Variants in ZBTB4 observed in about 807,000 individuals in gnomAD.
ZBTB4 encodes the protein zinc finger and BTB domain containing 4.
ZBTB4 carries 14 observed loss-of-function variants against 59.8 expected under a neutral mutation model. The ratio of observed to expected loss-of-function variants is 0.23; its 90% confidence interval spans 0.15 to 0.37. ZBTB4 has a LOEUF of 0.37. Ranked by LOEUF, ZBTB4 falls within the 10% of genes least tolerant of loss-of-function variation. ZBTB4 has a pLI of 1.00. For synonymous variants in ZBTB4, 587 were observed against 575.2 expected (o/e 1.02, Z -0.29); for missense variants, 1,198 against 1,380.8 (o/e 0.87, Z 2.10).
Position 7,463,764 on chromosome 17 carries a change from C to G in ZBTB4, c.1218G>C (p.Lys406Asn), listed in dbSNP as rs1198378490. 1 of 1,614,124 alleles carries G rather than the reference C, an allele frequency of 6.2e-7. No homozygotes were observed. Among genetic ancestry groups the G allele is most frequent in the African/African-American group, 1.3e-5 (1 of 75,058 alleles). Residue 406 changes from lysine (K) to asparagine (N), a missense_variant, in exon 4 of 4, where the codon AAG becomes AAC. Around this residue, in one of 9 missense-constraint regions of ZBTB4, gnomAD observed 60 missense variants for 93.0 expected, o/e 0.64. Transcript: ENST00000380599. Reference sequence around the variant, plus strand: ...AGAGCTTGAGTGTATTGAGCTTGGGCTTGTAGCCTCCATTGGGTGTCTTCT... The same window carrying G: ...AGAGCTTGAGTGTATTGAGCTTGGGGTTGTAGCCTCCATTGGGTGTCTTCT... ...ASEKTPNGGYKPKLNTLKLYR... is the reference protein window; with the variant it reads ...ASEKTPNGGYNPKLNTLKLYR...
Position 7,461,244 on chromosome 17 carries a change from G to C in ZBTB4, c.*696C>G, listed in dbSNP as rs1052117490. ...GGAAAGTGCTCAGCCACAGAACAGA[G>C]GGGCAGAGGGGCAACCCTCCCCCAA... is the stretch of plus-strand genomic sequence containing the variant. On this transcript the variant is annotated 3_prime_UTR_variant, in exon 4 of 4. Coordinates refer to ENST00000380599, the MANE Select transcript of ZBTB4 (RefSeq NM_001128833.2). The C allele has an allele frequency of 6.5e-6, 1 of 152,696 alleles. No individual in the cohort carries two copies. The highest frequency in any genetic ancestry group is 2.4e-5 in the African/African-American group (1 of 41,448). The allele number at this position is 152,696 out of a possible 1,614,324, so 9.5% of individuals were successfully genotyped here.
Position 7,459,655 on chromosome 17 carries a change from C to T in ZBTB4, c.*2285G>A, listed in dbSNP as rs2069990152. 6.6e-6 allele frequency: 1 copy of T among 152,304 alleles called. No homozygotes were observed. 9.4% of individuals were successfully genotyped at this position (152,304 alleles called of 1,614,324 possible). ...AATCCCAAATTTCCAACATCTGAAA[C>T]TCACAATATTCAAATTCCCCAGCTC... is the stretch of plus-strand genomic sequence containing the variant. On this transcript the variant is annotated 3_prime_UTR_variant, in exon 4 of 4. Coordinates refer to ENST00000380599, the MANE Select transcript of ZBTB4 (RefSeq NM_001128833.2).
At chr17:7,464,440 A>G (rs1018904458) in intron 3 of ZBTB4, among the ~76,000 whole-genome samples, 2 of 151,040 alleles carry the variant, frequency 1.3e-5, no homozygotes, top group Non-Finnish European at 3.0e-5. Flanking sequence ...AGAAAAAAAA[A>G]AAAAAAAAAA....
Position 7,459,977 on chromosome 17 carries a change from T to A in ZBTB4, c.*1963A>T, listed in dbSNP as rs1283287544. ...CCCTGCCTCCAGGCCTTCCTCAGTC[T>A]CTCTTGTGGTTCCGCTGTATAGATA... On this transcript the variant is annotated 3_prime_UTR_variant, in exon 4 of 4. Transcript: ENST00000380599. The A allele has an allele frequency of 1.3e-5, 2 of 152,588 alleles. No individual in the cohort carries two copies. The highest frequency in any genetic ancestry group is 2.4e-5 in the African/African-American group (1 of 41,414). The allele number at this position is 152,588 out of a possible 1,614,324, so 9.5% of individuals were successfully genotyped here. A position where few individuals can be genotyped will look rare whatever the true frequency, so the allele number is the denominator to read the frequency against.
Position 7,462,042 on chromosome 17 carries a change from G to C in ZBTB4, c.2940C>G (p.Ala980=). The C allele has an allele frequency of 6.2e-7, 1 of 1,601,808 alleles. No homozygotes were observed. Among genetic ancestry groups the C allele is most frequent in the Non-Finnish European group, 8.5e-7 (1 of 1,173,606 alleles). The change falls in exon 4 of 4, where the codon GCC becomes GCG. Residue 980 remains alanine (A), a synonymous_variant. Coordinates refer to ENST00000380599, the MANE Select transcript of ZBTB4 (RefSeq NM_001128833.2). This position sits in a 1 kb window ranked among gnomAD's most constrained non-coding sequence, Gnocchi z 7.5. The part of the protein sequence containing the change: ...YAVNPQAAPP[A]PPTPPPPTLP... ...GAGTTGGGGGAGGTGGTGTTGGTGG[G>C]GCAGGGGGTGCTGCTTGAGGATTCA...
At position 7,469,215 on chromosome 17, in the gene ZBTB4, G is replaced by A. The variant is rs547314692; in HGVS notation, c.-80-1888C>T. Among the ~76,000 whole-genome samples the A allele has an allele frequency of 7.4e-4, 113 of 152,238 alleles. 1 individual carries two copies. Among genetic ancestry groups the A allele is most frequent in the African/African-American group, 2.6e-3 (110 of 41,564 alleles). ...TGGAGTCTCGCTCTGCGCCCAGACT[G>A]GAATGCAGTGGTGCAATCTCAGCTC... On this transcript the variant is annotated intron_variant, in intron 1 of 3. Transcript: ENST00000380599.
chr17:7,482,706 T>G (rs771237611), upstream of ZBTB4: 1 of 1,612,030 alleles, frequency 6.2e-7, no homozygotes, highest in Non-Finnish European at 8.5e-7. Flanking sequence ...CTCTTTGTGC[T>G]GCAGCCCCCC....
Position 7,459,477 on chromosome 17 carries a change from G to T in ZBTB4, c.*2463C>A, listed in dbSNP as rs1410058851. 1 of 152,546 alleles carries T rather than the reference G, an allele frequency of 6.6e-6. No individual in the cohort carries two copies. The highest frequency in any genetic ancestry group is 2.4e-5 in the African/African-American group (1 of 41,422). 9.4% of individuals were successfully genotyped at this position (152,546 alleles called of 1,614,324 possible). ...TTCTCTAAATCTGGGTCCTCACTAC[G>T]TATAGAGCTAGTCTGTAGAATTCTA... On this transcript the variant is annotated 3_prime_UTR_variant, in exon 4 of 4. Coordinates refer to ENST00000380599, the MANE Select transcript of ZBTB4 (RefSeq NM_001128833.2).
At chr17:7,470,415 T>C (rs1273769229) in intron 1 of ZBTB4, among the ~76,000 whole-genome samples, 5 of 151,784 alleles carry the variant, frequency 3.3e-5, no homozygotes, top group Non-Finnish European at 7.4e-5. Context: ...TAAAATAGGC[T>C]GGGCATGGTG....
chr17:7,482,371 C>T (rs376932461), upstream of ZBTB4: 282 of 1,614,010 alleles, frequency 1.7e-4, no homozygotes, highest in Middle Eastern at 3.6e-3. Context: ...CCGCTGGCAA[C>T]GCTGCCACTG....
chr17:7,465,647 C>T lies in ZBTB4; in HGVS notation c.1091+64G>A, dbSNP rs1328767347. On this transcript the variant is annotated intron_variant, in intron 3 of 3. Coordinates refer to ENST00000380599, the MANE Select transcript of ZBTB4 (RefSeq NM_001128833.2). ...GGCCCCAAGCCCCACCCACTGCCGCCCTTGTTCCTATGACCGCTGAGTGCC... is the reference window on the plus strand; with the variant it reads ...GGCCCCAAGCCCCACCCACTGCCGCTCTTGTTCCTATGACCGCTGAGTGCC... 8 of 1,530,488 alleles carry T rather than the reference C, an allele frequency of 5.2e-6. No homozygotes were observed. The African/African-American group carries it at 9.6e-5, about 18-fold the overall frequency. 94.8% of individuals were successfully genotyped at this position (1,530,488 alleles called of 1,614,324 possible).
At chr17:7,474,059 G>A (rs926664800) in intron 1 of ZBTB4, among the ~76,000 whole-genome samples, 4 of 151,936 alleles carry the variant, frequency 2.6e-5, no homozygotes, top group African/African-American at 9.7e-5. Context: ...TGGAACTACA[G>A]GCATATGCCA....
At chr17:7,472,492 CTAAT>C (rs2070211654) in intron 1 of ZBTB4, among the ~76,000 whole-genome samples, 1 of 151,786 alleles carries the variant, frequency 6.6e-6, no homozygotes, top group East Asian at 1.9e-4. Context: ...CCCAGCCTGG[CTAAT>C]TTTTTTGTAT....
chr17:7,469,454 C>A (rs1408716171), intron 1 of ZBTB4, among the ~76,000 whole-genome samples: 1 of 151,262 alleles, frequency 6.6e-6, no homozygotes, highest in African/African-American at 2.4e-5. Flanking sequence ...GCGTGAGCCT[C>A]CATGCCTGGC....
At chr17:7,477,353 T>C (rs1360982297) in intron 1 of ZBTB4, among the ~76,000 whole-genome samples, 2 of 152,176 alleles carry the variant, frequency 1.3e-5, no homozygotes, top group East Asian at 3.8e-4. Flanking sequence ...AGTGAGGGAA[T>C]GGTAAAGACG....
chr17:7,470,039 G>C (rs546330839), intron 1 of ZBTB4, among the ~76,000 whole-genome samples: 2 of 151,346 alleles, frequency 1.3e-5, no homozygotes, highest in Non-Finnish European at 2.9e-5. Flanking sequence ...CCGAGATTGC[G>C]TCACTGCACT....
At chr17:7,468,085 G>C (rs1443441518) in intron 1 of ZBTB4, among the ~76,000 whole-genome samples, 1 of 152,242 alleles carries the variant, frequency 6.6e-6, no homozygotes, top group Non-Finnish European at 1.5e-5. Context: ...AGAGGGAAGA[G>C]CAAGGCCAGG....
rs1198301452 is a variant in ZBTB4 at position 7,461,938 on chromosome 17, G to A, written c.*2C>T. Reference sequence around the variant, plus strand: ...GGTGAAAGGGGGATTGAGCCCCAGGGTTCACCCCACATCGCCCTTCTGGGT... The same window carrying A: ...GGTGAAAGGGGGATTGAGCCCCAGGATTCACCCCACATCGCCCTTCTGGGT... On this transcript the variant is annotated 3_prime_UTR_variant, in exon 4 of 4. Coordinates refer to ENST00000380599, the MANE Select transcript of ZBTB4 (RefSeq NM_001128833.2). 1.3e-6 allele frequency: 2 copies of A among 1,535,638 alleles called. No individual in the cohort carries two copies. Among genetic ancestry groups the A allele is most frequent in the East Asian group, 2.3e-5 (1 of 44,050 alleles).
At chr17:7,471,697 T>G (rs2070199049) in intron 1 of ZBTB4, among the ~76,000 whole-genome samples, 1 of 152,204 alleles carries the variant, frequency 6.6e-6, no homozygotes, top group Non-Finnish European at 1.5e-5. Context: ...ACTTAACCTC[T>G]CTGTATCTGT....
Sources: allele counts gnomAD v4.1 joint callset (sites outside exome capture counted in the v4.1 genomes callset), GRCh38; gene constraint gnomAD v4.1.1; regional missense constraint gnomAD v4.1.1; non-coding constraint Gnocchi (gnomAD v3.1); transcripts MANE v1.5; gene names NCBI Gene and HGNC (gene_info 2026-07-23, HGNC 2026-07-21).